IPCEF1: variants seen among roughly 807,000 people sequenced by gnomAD.
IPCEF1 encodes interactor protein for cytohesin exchange factors 1.
IPCEF1 carries 31 observed loss-of-function variants against 50.9 expected under a neutral mutation model. The observed-to-expected ratio is 0.61, with a 90% CI of 0.46 to 0.82. The LOEUF is 0.82. Ranked by LOEUF, IPCEF1 falls within the 40% of genes least tolerant of loss-of-function variation. The pLI, the probability that IPCEF1 is intolerant of heterozygous loss-of-function variation, is 0.00. For synonymous variants in IPCEF1, 181 were observed against 192.0 expected (o/e 0.94, Z 0.47); for missense variants, 458 against 514.0 (o/e 0.89, Z 1.05).
In IPCEF1 at chr6:154,331,370, GGAAAGAAAGAAAGAAA is replaced by G. The variant is rs1554225596; in HGVS notation, c.-62+25286_-62+25301del. Among the ~76,000 whole-genome samples the G allele has an allele frequency of 1.5e-3, 164 of 111,998 alleles. 2 individuals are homozygous for G. Among genetic ancestry groups the G allele is most frequent in the African/African-American group, 7.0e-3 (159 of 22,610 alleles). 73.5% of individuals were successfully genotyped at this position (111,998 alleles called of 152,430 possible). ...GGGGAAGGAAAGAGAAAGAAAGAAA[GGAAAGAAAGAAAGAAA>G]GAAAGAAAGAAAGAAAGAAAGAGAG... On this transcript the variant is annotated intron_variant, in intron 1 of 11. Coordinates refer to ENST00000367220, the MANE Select transcript of IPCEF1 (RefSeq NM_001130700.2).
At chr6:154,284,466 C>T (rs191482614) in intron 2 of IPCEF1, among the ~76,000 whole-genome samples, 1 of 152,134 alleles carries the variant, frequency 6.6e-6, no homozygotes, top group East Asian at 1.9e-4. Context: ...TAGGAGAGGC[C>T]GTGTGAGTTG....
rs114678026 is a variant in IPCEF1, at chr6:154,236,479, G to A, written c.246+10112C>T. On this transcript the variant is annotated intron_variant, in intron 5 of 11. Transcript: ENST00000367220. ...AGTTCTGGAGATGGATGATGCTGAC[G>A]GTTGCACAGTAATAAGAAATTAAGC... Among the ~76,000 whole-genome samples the A allele has an allele frequency of 7.7e-3, 1,166 of 152,172 alleles. 6 individuals carry two copies. Among genetic ancestry groups the A allele is most frequent in the African/African-American group, 0.025 (1,049 of 41,504 alleles).
chr6:154,301,739 C>G (rs919994056), intron 1 of IPCEF1, among the ~76,000 whole-genome samples: 1 of 152,018 alleles, frequency 6.6e-6, no homozygotes, highest in Non-Finnish European at 1.5e-5. Context: ...ATCATAGTCT[C>G]AAATTGAACC....
intron 1 of IPCEF1, among the ~76,000 whole-genome samples, chr6:154,295,777 T>C (rs1423226514): frequency 6.6e-6 from 1 of 152,182 alleles, no homozygotes; most frequent in Non-Finnish European, 1.5e-5. Context: ...TTTGGGACTC[T>C]TGCAATACTC....
chr6:154,189,655 T>C (rs1249048767), intron 10 of IPCEF1, among the ~76,000 whole-genome samples: 1 of 152,194 alleles, frequency 6.6e-6, no homozygotes, highest in Non-Finnish European at 1.5e-5. Flanking sequence ...ACTAGTATAA[T>C]GAATATATTC....
At chr6:154,339,963 C>A (rs949245668) in intron 1 of IPCEF1, among the ~76,000 whole-genome samples, 2 of 152,034 alleles carry the variant, frequency 1.3e-5, no homozygotes, top group Non-Finnish European at 2.9e-5. Context: ...TGGGGGAAAC[C>A]TGCTAGCAAG....
intron 9 of IPCEF1, among the ~76,000 whole-genome samples, chr6:154,207,739 T>G (rs1463023544): frequency 1.3e-5 from 2 of 152,222 alleles, no homozygotes; most frequent in African/African-American, 2.4e-5. Flanking sequence ...TTGCTTCTTT[T>G]GTTTATTTTA....
intron 1 of IPCEF1, among the ~76,000 whole-genome samples, chr6:154,301,883 A>C (rs1782805418): frequency 6.6e-6 from 1 of 152,248 alleles, no homozygotes; most frequent in Non-Finnish European, 1.5e-5. Flanking sequence ...AAATATTTTA[A>C]ATCTAGATTC....
At chr6:154,278,378 C>T (rs376506494) in intron 2 of IPCEF1, among the ~76,000 whole-genome samples, 9 of 152,200 alleles carry the variant, frequency 5.9e-5, no homozygotes, top group East Asian at 5.8e-4. Context: ...GAGAATGAGA[C>T]GCCAAGTAGA....
chr6:154,314,386 A>G (rs1783161433), intron 1 of IPCEF1, among the ~76,000 whole-genome samples: 1 of 152,238 alleles, frequency 6.6e-6, no homozygotes, highest in Non-Finnish European at 1.5e-5. Context: ...AATCATTTGT[A>G]TAGAAATTTG....
At chr6:154,221,097 G>A (rs1778829691) in intron 7 of IPCEF1, among the ~76,000 whole-genome samples, 160 bp downstream of exon 7, 1 of 152,170 alleles carries the variant, frequency 6.6e-6, no homozygotes, top group Non-Finnish European at 1.5e-5. Context: ...AAATACTAGA[G>A]AAGAAAGCAC....
chr6:154,220,150 C>T lies in IPCEF1; in HGVS notation c.392+1107G>A, dbSNP rs1778748753. Among the ~76,000 whole-genome samples, 6 of 152,162 alleles carry T rather than the reference C, an allele frequency of 3.9e-5. No homozygotes were observed. The East Asian group carries it at 9.6e-4, about 24-fold the overall frequency. On this transcript the variant is annotated intron_variant, in intron 7 of 11. Coordinates refer to ENST00000367220, the MANE Select transcript of IPCEF1 (RefSeq NM_001130700.2). Reference sequence around the variant, plus strand: ...ATCATTATAAGTAAAACAGGTTAAGCGTAAGCTCTGTGAATGGAGGAATTA... The same window carrying T: ...ATCATTATAAGTAAAACAGGTTAAGTGTAAGCTCTGTGAATGGAGGAATTA...
intron 1 of IPCEF1, among the ~76,000 whole-genome samples, chr6:154,332,884 C>G (rs1783704944): frequency 6.6e-6 from 1 of 152,176 alleles, no homozygotes; most frequent in African/African-American, 2.4e-5. Context: ...CTCAAAATGC[C>G]TTACAACAGC....
At chr6:154,253,234 C>T (rs868751757) in intron 3 of IPCEF1, among the ~76,000 whole-genome samples, 26 of 152,092 alleles carry the variant, frequency 1.7e-4, no homozygotes, top group Admixed American at 1.2e-3. Flanking sequence ...GACAGGGTCT[C>T]GCTCTGTTTC....
chr6:154,253,345 C>A (rs1781383963), intron 3 of IPCEF1, among the ~76,000 whole-genome samples: 1 of 152,124 alleles, frequency 6.6e-6, no homozygotes, highest in Non-Finnish European at 1.5e-5. Context: ...ACCTCCTTTG[C>A]ACTTTTACTA....
At chr6:154,241,579 T>A (rs1356744323) in intron 5 of IPCEF1, among the ~76,000 whole-genome samples, 3 of 152,142 alleles carry the variant, frequency 2.0e-5, no homozygotes, top group Non-Finnish European at 2.9e-5. Flanking sequence ...TTTTTGTGTC[T>A]TATATCCAAG....
intron 7 of IPCEF1, among the ~76,000 whole-genome samples, chr6:154,214,497 T>C (rs1778227441): frequency 6.6e-6 from 1 of 152,216 alleles, no homozygotes; most frequent in Non-Finnish European, 1.5e-5. Flanking sequence ...AGGTGGCCCA[T>C]TACTCAGTTG....
intron 3 of IPCEF1, among the ~76,000 whole-genome samples, chr6:154,264,342 T>G (rs1781697209): frequency 6.6e-6 from 1 of 152,084 alleles, no homozygotes; most frequent in African/African-American, 2.4e-5. Context: ...TTTTTATATC[T>G]GGTGTGAGGT....
chr6:154,173,530 AG>A (rs1426801072), intron 10 of IPCEF1, among the ~76,000 whole-genome samples: 1 of 152,238 alleles, frequency 6.6e-6, no homozygotes. Context: ...AGCATACACA[AG>A]CTTCAACAGC....
Sources: allele counts gnomAD v4.1 joint callset (sites outside exome capture counted in the v4.1 genomes callset), GRCh38; gene constraint gnomAD v4.1.1; transcripts MANE v1.5; gene names NCBI Gene and HGNC (gene_info 2026-07-23, HGNC 2026-07-21).